Variants in SLC30A7 observed in about 807,000 individuals in gnomAD.
SLC30A7 encodes solute carrier family 30 member 7, also known as zinc transporter 7.
In SLC30A7, 35 loss-of-function variants were observed where a neutral mutation model predicts 46.0. The ratio of observed to expected loss-of-function variants is 0.76; its 90% confidence interval spans 0.58 to 1.01. The LOEUF is 1.01. Ranked by LOEUF, SLC30A7 falls within the 50% of genes least tolerant of loss-of-function variation. SLC30A7 has a pLI of 0.00. For missense variants in SLC30A7, 464 were observed against 451.1 expected, an observed-to-expected ratio of 1.03 and a Z score of -0.26; for synonymous variants, 147 against 157.8, an observed-to-expected ratio of 0.93 and a Z score of 0.51.
At chr1:100,992,710 A>C in the SLC30A7 span, 4 of 1,613,904 alleles carry the variant, frequency 2.5e-6, no homozygotes, top group Non-Finnish European at 3.4e-6. Flanking sequence ...TTACACTCAT[A>C]TACCGTGGAG....
Position 100,913,716 on chromosome 1 carries a change from C to T in SLC30A7, c.565C>T (p.His189Tyr), listed in dbSNP as rs1252352176. ...FNGALDQAHG[H>Y]VDHCHSHEVK... ...TGGTGCTCTAGATCAGGCACATGGC[C>T]ATGTCGATCATTGCCATAGCCATGA... The change falls in exon 6 of 11, where the codon CAT becomes TAT. Residue 189 changes from histidine (H) to tyrosine (Y), a missense_variant. Physicochemically the swap from His to Tyr is moderately conservative, Grantham distance 83 (BLOSUM62 2). Coordinates refer to ENST00000357650, the MANE Select transcript of SLC30A7 (RefSeq NM_133496.5). 1 of 1,613,784 alleles carries T rather than the reference C, an allele frequency of 6.2e-7. No individual in the cohort carries two copies. The highest frequency in any genetic ancestry group is 1.3e-5 in the African/African-American group (1 of 74,918).
chr1:100,896,367 AG>A lies in SLC30A7; in HGVS notation c.80+30del, dbSNP rs780654828. On this transcript the variant is annotated intron_variant, in intron 1 of 10. Coordinates refer to ENST00000357650, the MANE Select transcript of SLC30A7 (RefSeq NM_133496.5). ...GGTGCGGGGTGCTGTGTTTGCGGGG[AG>A]GGGGTGTCCGGCAGAAAGGGAGAAG... The A allele has an allele frequency of 1.9e-6, 3 of 1,612,896 alleles. No individual in the cohort carries two copies. In the South Asian group the frequency reaches 3.3e-5, roughly 18 times the overall value.
At position 100,934,400 on chromosome 1, in the gene SLC30A7, C is replaced by T. The variant is rs543079593; in HGVS notation, c.842+12559C>T. 2.6e-5 allele frequency among the ~76,000 whole-genome samples: 4 copies of T among 152,134 alleles called. No homozygotes were observed. In the East Asian group the frequency reaches 7.7e-4, roughly 29 times the overall value. On this transcript the variant is annotated intron_variant, in intron 8 of 10. Transcript: ENST00000357650. ...GAAAGTAGAAATTAAATATTGCACA[C>T]TTAGAGAAGGCAATAAGGGGCCATT...
intron 8 of SLC30A7, among the ~76,000 whole-genome samples, chr1:100,922,868 A>G (rs1653031509): frequency 1.3e-5 from 2 of 152,136 alleles, no homozygotes. Flanking sequence ...ATTTACATAT[A>G]CACTGTATAT....
chr1:100,966,704 T>C (rs1019106677), intron 10 of SLC30A7, among the ~76,000 whole-genome samples: 4 of 152,242 alleles, frequency 2.6e-5, no homozygotes, highest in African/African-American at 9.6e-5. Context: ...ATGCTCATCA[T>C]TGTACTTATT....
At chr1:100,994,667 A>C in the SLC30A7 span, among the ~76,000 whole-genome samples, 1 of 151,968 alleles carries the variant, frequency 6.6e-6, no homozygotes, top group Non-Finnish European at 1.5e-5. Context: ...GCTGAGATTA[A>C]AGGCACGTGC....
At position 100,975,134 on chromosome 1, in the gene SLC30A7, G is replaced by A. The variant is rs1384259658; in HGVS notation, c.*277G>A. The A allele has an allele frequency of 6.4e-6, 2 of 310,254 alleles. No individual in the cohort carries two copies. Among genetic ancestry groups the A allele is most frequent in the Middle Eastern group, 8.7e-4 (1 of 1,154 alleles). 19.2% of individuals were successfully genotyped at this position (310,254 alleles called of 1,614,324 possible). ...GGTTTTTAGCTTAGGATGTTAATTT[G>A]TCCTTTTGTCTTTCTTTTTTTGTTT... On this transcript the variant is annotated 3_prime_UTR_variant, in exon 11 of 11. Transcript: ENST00000357650.
intron 8 of SLC30A7, chr1:100,941,031 G>T: frequency 2.9e-6 from 1 of 340,290 alleles, no homozygotes; most frequent in Non-Finnish European, 5.7e-6. Flanking sequence ...ATCTGCTACT[G>T]CCATAGCTTC....
intron 8 of SLC30A7, among the ~76,000 whole-genome samples, chr1:100,954,153 G>T (rs1236206921): frequency 6.6e-6 from 1 of 152,060 alleles, no homozygotes. Flanking sequence ...TTGTGCTGGG[G>T]GAATAAAATG....
chr1:100,917,679 C>G (rs746219580), intron 6 of SLC30A7, among the ~76,000 whole-genome samples: 5 of 152,068 alleles, frequency 3.3e-5, no homozygotes, highest in Admixed American at 6.5e-5. Context: ...TACTGTTTAC[C>G]ATAGTCAAGT....
rs1650897354 is a variant in SLC30A7 at position 100,896,119 on chromosome 1, T to G, written c.-144T>G. The G allele has an allele frequency of 1.4e-6, 1 of 698,846 alleles. No individual in the cohort carries two copies. The highest frequency in any genetic ancestry group is 2.2e-5 in the Admixed American group (1 of 46,224). 43.3% of individuals were successfully genotyped at this position (698,846 alleles called of 1,614,324 possible). On this transcript the variant is annotated 5_prime_UTR_variant, in exon 1 of 11. Coordinates refer to ENST00000357650, the MANE Select transcript of SLC30A7 (RefSeq NM_133496.5). The stretch of plus-strand genomic sequence containing the variant: ...GTAAGCGAATTCCCGGGTGTGTGTC[T>G]GTGTCTGTCTGTGTCTCGCAGCGGC...
chr1:100,963,721 TG>T (rs1655680786), intron 9 of SLC30A7, among the ~76,000 whole-genome samples: 2 of 152,230 alleles, frequency 1.3e-5, no homozygotes, highest in Non-Finnish European at 2.9e-5. Flanking sequence ...ATGTGGCTAG[TG>T]TAACTGATTC....
intron 9 of SLC30A7, among the ~76,000 whole-genome samples, chr1:100,962,185 C>T (rs1655586328): frequency 1.3e-5 from 2 of 152,120 alleles, no homozygotes; most frequent in Non-Finnish European, 2.9e-5. Context: ...GATATTCATT[C>T]AACATAGAGT....
At chr1:100,958,527 A>T (rs1027895773) in intron 8 of SLC30A7, among the ~76,000 whole-genome samples, 1 of 151,988 alleles carries the variant, frequency 6.6e-6, no homozygotes, top group Non-Finnish European at 1.5e-5. Context: ...GTTTTTCTTC[A>T]TTGAGGCATT....
At chr1:100,896,430 A>T (rs1044622441) in intron 1 of SLC30A7, 88 bp downstream of exon 1, 14 of 1,498,522 alleles carry the variant, frequency 9.3e-6, no homozygotes, top group Non-Finnish European at 1.2e-5. Context: ...CCAGTGAGGG[A>T]GAGTCAAAAA....
Position 100,898,940 on chromosome 1 carries a change from A to G in SLC30A7, c.182+2269A>G, listed in dbSNP as rs115759964. ...TTTCCTATAGAGGACTGAAACGTGA[A>G]TAAAACACTCACTTCACAAATAAAG... On this transcript the variant is annotated intron_variant, in intron 2 of 10. Transcript: ENST00000357650. Among the ~76,000 whole-genome samples the G allele has an allele frequency of 7.0e-3, 1,063 of 152,340 alleles. 20 individuals carry two copies. The highest frequency in any genetic ancestry group is 0.024 in the African/African-American group (1,018 of 41,586).
At chr1:100,922,830 T>G (rs1653030231) in intron 8 of SLC30A7, among the ~76,000 whole-genome samples, 1 of 152,128 alleles carries the variant, frequency 6.6e-6, no homozygotes, top group Non-Finnish European at 1.5e-5. Context: ...TGATAAGACA[T>G]TATGTTCCAT....
Position 100,974,980 on chromosome 1 carries a change from G to C in SLC30A7, c.*123G>C, listed in dbSNP as rs1237843902. ...CACTACAACTCCCGAGCACTAAGTA[G>C]ACGGGGTAGAGTCAGCCGTTCATGC... On this transcript the variant is annotated 3_prime_UTR_variant, in exon 11 of 11. Transcript: ENST00000357650. 4.4e-6 allele frequency: 3 copies of C among 674,956 alleles called. No homozygotes were observed. The highest frequency in any genetic ancestry group is 5.6e-5 in the Admixed American group (2 of 35,846). 41.8% of individuals were successfully genotyped at this position (674,956 alleles called of 1,614,324 possible).
chr1:100,987,358 A>G, the SLC30A7 span, among the ~76,000 whole-genome samples: 1 of 152,148 alleles, frequency 6.6e-6, no homozygotes, highest in East Asian at 1.9e-4. Context: ...ATCCAGTTAC[A>G]TATGTTAAAT....
Sources: gnomAD v4.1 joint callset for allele counts (sites outside exome capture counted in the v4.1 genomes callset) on GRCh38, gnomAD v4.1.1 for gene constraint, MANE v1.5 for transcripts, NCBI Gene and HGNC (gene_info 2026-07-23, HGNC 2026-07-21) for gene names.